SHISA9: variants seen among roughly 807,000 people sequenced by gnomAD.
The protein encoded by SHISA9 is shisa family member 9, also known as protein shisa-9.
In SHISA9, 13 loss-of-function variants were observed where a neutral mutation model predicts 38.0. The observed-to-expected ratio is 0.34, with a 90% CI of 0.22 to 0.54. The LOEUF is 0.54. SHISA9 is among the 20% of genes least tolerant of loss of function. The pLI, the probability that SHISA9 is intolerant of heterozygous loss-of-function variation, is 0.91. For synonymous variants in SHISA9, 275 were observed against 242.0 expected (o/e 1.14, Z -1.27); for missense variants, 538 against 575.8 (o/e 0.93, Z 0.67).
At chr16:13,473,575 C>A in the SHISA9 span, among the ~76,000 whole-genome samples, 11 of 152,024 alleles carry the variant, frequency 7.2e-5, no homozygotes, top group Admixed American at 1.3e-4. Flanking sequence ...AAATACCCAC[C>A]CTTCCTCAGT....
At chr16:12,949,271 C>T (rs539612921) in intron 2 of SHISA9, among the ~76,000 whole-genome samples, 2 of 152,342 alleles carry the variant, frequency 1.3e-5, no homozygotes, top group East Asian at 3.9e-4. Context: ...ACGAGGTCTC[C>T]ACTGGAGCCC....
At chr16:13,075,852 C>G (rs1194156414) in intron 2 of SHISA9, among the ~76,000 whole-genome samples, 2 of 151,944 alleles carry the variant, frequency 1.3e-5, no homozygotes, top group African/African-American at 2.4e-5. Flanking sequence ...GCATTCGGGG[C>G]CAGATGATTC....
At chr16:13,538,066 A>G in the SHISA9 span, among the ~76,000 whole-genome samples, 2 of 152,024 alleles carry the variant, frequency 1.3e-5, no homozygotes, top group African/African-American at 4.8e-5. Context: ...ATTGTTTTTG[A>G]GTTTAGGGTT....
At chr16:13,076,370 T>G (rs1166108579) in intron 2 of SHISA9, among the ~76,000 whole-genome samples, 1 of 152,204 alleles carries the variant, frequency 6.6e-6, no homozygotes, top group Non-Finnish European at 1.5e-5. Flanking sequence ...CTACTCTGCC[T>G]CTGCAAATAT....
chr16:13,014,510 C>T (rs1371129787), intron 2 of SHISA9, among the ~76,000 whole-genome samples: 1 of 152,180 alleles, frequency 6.6e-6, no homozygotes, highest in African/African-American at 2.4e-5. Context: ...TGCTTATTTC[C>T]TTATCTTGGA....
the SHISA9 span, among the ~76,000 whole-genome samples, chr16:13,400,010 G>T: frequency 3.2e-4 from 49 of 152,328 alleles, no homozygotes; most frequent in Non-Finnish European, 3.5e-4. Context: ...GGTGCTCTCA[G>T]TACCCTGCCT....
At chr16:13,547,857 GA>G in the SHISA9 span, among the ~76,000 whole-genome samples, 1 of 151,442 alleles carries the variant, frequency 6.6e-6, no homozygotes, top group Non-Finnish European at 1.5e-5. Context: ...CACAGAAATA[GA>G]AAAAAAACAT....
chr16:13,088,322 T>G (rs1467386974), intron 2 of SHISA9, among the ~76,000 whole-genome samples: 1 of 152,224 alleles, frequency 6.6e-6, no homozygotes, highest in Non-Finnish European at 1.5e-5. Context: ...TGTGGTTCCA[T>G]ATGTGTAGTT....
chr16:13,511,329 G>A, the SHISA9 span, among the ~76,000 whole-genome samples: 1 of 152,268 alleles, frequency 6.6e-6, no homozygotes, highest in African/African-American at 2.4e-5. Context: ...AGTGAATAGA[G>A]ACCTCAGCTT....
At chr16:13,430,267 T>C in the SHISA9 span, among the ~76,000 whole-genome samples, 1 of 152,232 alleles carries the variant, frequency 6.6e-6, no homozygotes, top group Non-Finnish European at 1.5e-5. Flanking sequence ...AATAATCTAA[T>C]GACAGTCATT....
intron 2 of SHISA9, among the ~76,000 whole-genome samples, chr16:13,189,761 T>G (rs2050864820): frequency 6.6e-6 from 1 of 152,228 alleles, no homozygotes; most frequent in Non-Finnish European, 1.5e-5. Flanking sequence ...TTACATATGG[T>G]TAATTGTTAC....
chr16:13,234,906 G>T, intron 4 of SHISA9, 124 bp from the exon 5 acceptor site: 1 of 1,147,224 alleles, frequency 8.7e-7, no homozygotes, highest in Non-Finnish European at 1.2e-6. Context: ...TGTCTTGTTT[G>T]GACTGTTGGC....
In SHISA9 at chr16:13,102,964, A is replaced by G. The variant is rs11646558; in HGVS notation, c.692-100430A>G. On this transcript the variant is annotated intron_variant, in intron 2 of 4. Coordinates refer to ENST00000558583, the MANE Select transcript of SHISA9 (RefSeq NM_001145204.3). ...GGCGGCACTTCCTCATAGGCTATGC[A>G]TATAGAAATACTCTTCTTATCCTTT... 3.5e-3 allele frequency among the ~76,000 whole-genome samples: 527 copies of G among 152,364 alleles called. 2 individuals carry two copies. Among genetic ancestry groups the G allele is most frequent in the Non-Finnish European group, 6.2e-3 (425 of 68,038 alleles).
At chr16:13,419,685 T>A in the SHISA9 span, among the ~76,000 whole-genome samples, 10 of 152,214 alleles carry the variant, frequency 6.6e-5, no homozygotes, top group Non-Finnish European at 1.3e-4. Flanking sequence ...GTAAGTACTT[T>A]TTGACATTGT....
At chr16:13,035,688 G>C (rs528939144) in intron 2 of SHISA9, among the ~76,000 whole-genome samples, 1 of 152,068 alleles carries the variant, frequency 6.6e-6, no homozygotes, top group South Asian at 2.1e-4. Flanking sequence ...GCACCACCAT[G>C]CCTGGCTAAT....
chr16:13,377,123 A>G, the SHISA9 span, among the ~76,000 whole-genome samples: 11 of 152,322 alleles, frequency 7.2e-5, no homozygotes, highest in Admixed American at 4.6e-4. Context: ...CACACTGCAT[A>G]CCAGTGGTGG....
chr16:13,203,962 A>G (rs2051033804), intron 3 of SHISA9, among the ~76,000 whole-genome samples: 1 of 151,862 alleles, frequency 6.6e-6, no homozygotes, highest in Admixed American at 6.6e-5. Context: ...CTGTCTGTCT[A>G]TCATCTATCA....
the SHISA9 span, among the ~76,000 whole-genome samples, chr16:13,539,929 A>T: frequency 1.2e-5 from 1 of 80,828 alleles, no homozygotes; most frequent in Admixed American, 1.5e-4. Context: ...ACATGATCCT[A>T]CTCTTTTTTA....
chr16:13,111,713 C>T (rs1379124518), intron 2 of SHISA9, among the ~76,000 whole-genome samples: 1 of 152,124 alleles, frequency 6.6e-6, no homozygotes, highest in African/African-American at 2.4e-5. Context: ...TCCAGGTAAC[C>T]TCAAGCAATT....
Sources: gnomAD v4.1 joint callset for allele counts (sites outside exome capture counted in the v4.1 genomes callset) on GRCh38, gnomAD v4.1.1 for gene constraint, MANE v1.5 for transcripts, NCBI Gene and HGNC (gene_info 2026-07-23, HGNC 2026-07-21) for gene names.